LRRTM4: variants seen among roughly 807,000 people sequenced by gnomAD.
LRRTM4 encodes leucine rich repeat transmembrane neuronal 4.
LRRTM4 carries 25 observed loss-of-function variants against 47.6 expected under a neutral mutation model. The observed-to-expected ratio is 0.53, with a 90% CI of 0.38 to 0.73. LRRTM4 has a LOEUF of 0.73. Ranked by LOEUF, LRRTM4 falls within the 30% of genes least tolerant of loss-of-function variation. The probability of loss-of-function intolerance (pLI) is 0.00; values close to 1 mark genes in which losing one functional copy is unlikely to be tolerated. For missense variants in LRRTM4, 638 were observed against 713.4 expected (o/e 0.89, Z 1.20); for synonymous variants, 311 against 269.5 (o/e 1.15, Z -1.51).
At chr2:76,931,945 A>G (rs979456117) in intron 3 of LRRTM4, among the ~76,000 whole-genome samples, 2 of 152,160 alleles carry the variant, frequency 1.3e-5, no homozygotes, top group African/African-American at 4.8e-5. Flanking sequence ...CAGGGAGGTT[A>G]CTAAGTAAAA....
chr2:77,177,938 G>A (rs1194353853), intron 3 of LRRTM4, among the ~76,000 whole-genome samples: 1 of 152,174 alleles, frequency 6.6e-6, no homozygotes, highest in Non-Finnish European at 1.5e-5. Context: ...TTCCTTTTGG[G>A]GAACTTTTAT....
At chr2:77,315,467 G>T (rs1677592412) in intron 3 of LRRTM4, among the ~76,000 whole-genome samples, 1 of 152,104 alleles carries the variant, frequency 6.6e-6, no homozygotes, top group African/African-American at 2.4e-5. Context: ...AATATAGATT[G>T]CTAGTGCTGT....
chr2:77,057,412 CTAAT>C (rs920942865), intron 3 of LRRTM4, among the ~76,000 whole-genome samples: 26 of 152,112 alleles, frequency 1.7e-4, no homozygotes, highest in African/African-American at 5.8e-4. Flanking sequence ...ACAAGCTAAA[CTAAT>C]TAATTGGATT....
At chr2:76,861,695 C>A (rs572900890) in intron 3 of LRRTM4, among the ~76,000 whole-genome samples, 2 of 152,238 alleles carry the variant, frequency 1.3e-5, no homozygotes, top group South Asian at 4.1e-4. Context: ...TTTTAGGAAT[C>A]TTAATATAAT....
intron 3 of LRRTM4, among the ~76,000 whole-genome samples, chr2:76,835,832 C>T (rs1286279782): frequency 2.6e-5 from 4 of 151,814 alleles, no homozygotes; most frequent in African/African-American, 9.7e-5. Context: ...TCACTGAGAC[C>T]TATCAGAAAA....
rs1023475095 is a variant in LRRTM4, at chr2:77,090,553, A to G, written c.1552-341637T>C. The stretch of plus-strand genomic sequence containing the variant: ...TACAATTCCTTCCCTCCACTATGAG[A>G]CAAACCCCAGCCACATCTCCAGCAC... On this transcript the variant is annotated intron_variant, in intron 3 of 3. Coordinates refer to ENST00000409884, the MANE Select transcript of LRRTM4 (RefSeq NM_001134745.3). Among the ~76,000 whole-genome samples, 12 of 152,282 alleles carry G rather than the reference A, an allele frequency of 7.9e-5. No homozygotes were observed. In the South Asian group the frequency reaches 2.5e-3, roughly 32 times the overall value.
intron 3 of LRRTM4, among the ~76,000 whole-genome samples, chr2:77,247,238 G>C (rs566345013): frequency 6.6e-6 from 1 of 152,112 alleles, no homozygotes; most frequent in Admixed American, 6.6e-5. Flanking sequence ...GATTTAATAA[G>C]ATATGAATAA....
intron 3 of LRRTM4, among the ~76,000 whole-genome samples, chr2:77,142,070 G>T (rs1265944905): frequency 6.6e-6 from 1 of 152,168 alleles, no homozygotes; most frequent in African/African-American, 2.4e-5. Context: ...AGTATAGACA[G>T]AGCACAAGTA....
At chr2:76,847,932 A>G (rs1264386786) in intron 3 of LRRTM4, among the ~76,000 whole-genome samples, 1 of 152,094 alleles carries the variant, frequency 6.6e-6, no homozygotes, top group Admixed American at 6.6e-5. Flanking sequence ...AGTGTTCCCT[A>G]TGGGGCACTC....
intron 3 of LRRTM4, among the ~76,000 whole-genome samples, chr2:76,947,099 G>A (rs1485757876): frequency 4.0e-5 from 6 of 151,620 alleles, no homozygotes; most frequent in Admixed American, 6.6e-5. Context: ...GATTTGAATG[G>A]GAAAAAAATG....
chr2:77,418,171 T>G (rs1156856614), intron 3 of LRRTM4, among the ~76,000 whole-genome samples: 2 of 152,150 alleles, frequency 1.3e-5, no homozygotes, highest in East Asian at 3.9e-4. Context: ...TAACTAAATT[T>G]TTGATATTTT....
At chr2:77,054,486 G>A (rs1679538786) in intron 3 of LRRTM4, among the ~76,000 whole-genome samples, 2 of 152,154 alleles carry the variant, frequency 1.3e-5, no homozygotes, top group South Asian at 2.1e-4. Flanking sequence ...TTTTGTGAGA[G>A]ACTTTATCAA....
intron 3 of LRRTM4, among the ~76,000 whole-genome samples, chr2:76,922,460 A>G (rs1674462596): frequency 6.6e-6 from 1 of 152,064 alleles, no homozygotes; most frequent in African/African-American, 2.4e-5. Flanking sequence ...GCAAGCCTCC[A>G]TGATTCAATC....
chr2:76,957,160 T>C (rs79311554), intron 3 of LRRTM4, among the ~76,000 whole-genome samples: 6 of 151,752 alleles, frequency 4.0e-5, no homozygotes, highest in Non-Finnish European at 7.4e-5. Flanking sequence ...ATACCAGTGA[T>C]AGAAGGACAA....
chr2:77,507,486 C>A (rs1237668552), intron 3 of LRRTM4, among the ~76,000 whole-genome samples: 1 of 152,000 alleles, frequency 6.6e-6, no homozygotes, highest in Non-Finnish European at 1.5e-5. Context: ...CATCTCTTAT[C>A]CTCCAGTCAT....
intron 3 of LRRTM4, among the ~76,000 whole-genome samples, chr2:77,434,458 A>C (rs551575438): frequency 2.0e-5 from 3 of 152,266 alleles, no homozygotes; most frequent in Admixed American, 6.5e-5. Flanking sequence ...AAAAAAAAAA[A>C]AAACTAATGG....
chr2:76,780,168 G>A (rs1303990252), intron 3 of LRRTM4, among the ~76,000 whole-genome samples: 1 of 152,126 alleles, frequency 6.6e-6, no homozygotes, highest in African/African-American at 2.4e-5. Flanking sequence ...AGGGTAACCC[G>A]ACCTTTCTCT....
intron 3 of LRRTM4, among the ~76,000 whole-genome samples, chr2:77,381,538 G>A (rs1469750400): frequency 6.6e-6 from 1 of 151,854 alleles, no homozygotes; most frequent in African/African-American, 2.4e-5. Flanking sequence ...TAGCGAATAG[G>A]CATACAAAAT....
At chr2:76,989,551 T>C (rs1048549740) in intron 3 of LRRTM4, among the ~76,000 whole-genome samples, 2 of 151,786 alleles carry the variant, frequency 1.3e-5, no homozygotes, top group Non-Finnish European at 2.9e-5. Flanking sequence ...ATACAGCAAA[T>C]GAGTTGAAAA....
Sources: gnomAD v4.1 joint callset for allele counts (sites outside exome capture counted in the v4.1 genomes callset) on GRCh38, gnomAD v4.1.1 for gene constraint, MANE v1.5 for transcripts, NCBI Gene and HGNC (gene_info 2026-07-23, HGNC 2026-07-21) for gene names.